RAP1GDS1: variants seen among roughly 807,000 people sequenced by gnomAD.
RAP1GDS1 encodes RAP1, GTP-GDP dissociation stimulator 1.
A neutral mutation model predicts 71.1 loss-of-function variants in RAP1GDS1; 35 were observed. The ratio of observed to expected loss-of-function variants is 0.49; its 90% CI spans 0.38 to 0.65. RAP1GDS1 has a LOEUF of 0.65. Among genes scored for constraint, RAP1GDS1 ranks in the 30% least tolerant of loss-of-function variants. The pLI, the probability that RAP1GDS1 is intolerant of heterozygous loss-of-function variation, is 0.00. For missense variants in RAP1GDS1, 663 were observed against 706.1 expected (o/e 0.94, Z 0.69); for synonymous variants, 229 against 243.1 (o/e 0.94, Z 0.54).
intron 7 of RAP1GDS1, among the ~76,000 whole-genome samples, chr4:98,406,446 G>C (rs1746126895): frequency 6.6e-6 from 1 of 151,928 alleles, no homozygotes; most frequent in Non-Finnish European, 1.5e-5. Flanking sequence ...TAGAGATAAA[G>C]AGGGTGACTT....
chr4:98,341,290 A>G (rs1443743692), intron 2 of RAP1GDS1, among the ~76,000 whole-genome samples: 1 of 152,222 alleles, frequency 6.6e-6, no homozygotes, highest in African/African-American at 2.4e-5. Flanking sequence ...CAGTGAAAAT[A>G]CTATTTTCAA....
intron 7 of RAP1GDS1, chr4:98,409,822 C>A: frequency 3.7e-6 from 1 of 267,414 alleles, no homozygotes; most frequent in Non-Finnish European, 7.4e-6. Context: ...AAAATTAATT[C>A]CAGATAGATT....
chr4:98,302,457 T>C (rs1728700975), intron 2 of RAP1GDS1, among the ~76,000 whole-genome samples: 1 of 151,870 alleles, frequency 6.6e-6, no homozygotes, highest in South Asian at 2.1e-4. Context: ...AGACAAAGGA[T>C]CAGAGAAAAG....
rs181213258 is a variant in RAP1GDS1, at chr4:98,280,863, G to C, written c.5-12545G>C. Among the ~76,000 whole-genome samples the C allele has an allele frequency of 2.3e-3, 325 of 141,170 alleles. 1 individual carries two copies. Among genetic ancestry groups the C allele is most frequent in the Non-Finnish European group, 2.8e-3 (178 of 64,006 alleles). The allele number at this position is 141,170 out of a possible 152,430, so 92.6% of individuals were successfully genotyped here. On this transcript the variant is annotated intron_variant, in intron 1 of 14. Transcript: ENST00000408927. The stretch of plus-strand genomic sequence containing the variant: ...TTTTCCCAGCACCGTTTATTAAATA[G>C]GGAATCCTTTCCCCATTTCTTGTTT...
chr4:98,319,988 G>C (rs574937288), intron 2 of RAP1GDS1, among the ~76,000 whole-genome samples: 120 of 152,178 alleles, frequency 7.9e-4, no homozygotes, highest in Non-Finnish European at 1.4e-3. Context: ...AAGACCGTGA[G>C]GATGAAGACT....
At chr4:98,438,398 C>T (rs1333306546) in intron 14 of RAP1GDS1, among the ~76,000 whole-genome samples, 1 of 151,464 alleles carries the variant, frequency 6.6e-6, no homozygotes, top group East Asian at 1.9e-4. Flanking sequence ...TTGTCATTTT[C>T]TAATCTACTC....
intron 4 of RAP1GDS1, among the ~76,000 whole-genome samples, chr4:98,361,427 G>A (rs1282401811): frequency 1.3e-5 from 2 of 152,036 alleles, no homozygotes; most frequent in African/African-American, 2.4e-5. Context: ...TTTATAATTT[G>A]TGTATAAAGA....
rs750191 is a variant in RAP1GDS1 at position 98,262,521 on chromosome 4, C to T, written c.4+952C>T. On this transcript the variant is annotated intron_variant, in intron 1 of 14. Coordinates refer to ENST00000408927, the MANE Select transcript of RAP1GDS1 (RefSeq NM_001100427.2). ...TTACATTCAGTAATCACAGAAACGT[C>T]TGATGAATGCTGTCATGTAATTAAG... is the stretch of plus-strand genomic sequence containing the variant. 2.8e-3 allele frequency among the ~76,000 whole-genome samples: 428 copies of T among 152,298 alleles called. 3 individuals carry two copies. Among genetic ancestry groups the T allele is most frequent in the African/African-American group, 9.9e-3 (413 of 41,558 alleles).
At chr4:98,391,641 T>C (rs1271799794) in intron 5 of RAP1GDS1, among the ~76,000 whole-genome samples, 1 of 152,142 alleles carries the variant, frequency 6.6e-6, no homozygotes, top group African/African-American at 2.4e-5. Flanking sequence ...TAATGTTTGT[T>C]TATACTTATT....
At chr4:98,420,200 T>A in intron 11 of RAP1GDS1, 56 bp downstream of exon 11, 1 of 1,357,226 alleles carries the variant, frequency 7.4e-7, no homozygotes, top group Admixed American at 2.6e-5. Context: ...TTAATGTGCC[T>A]CTAGTTGAAA....
intron 5 of RAP1GDS1, among the ~76,000 whole-genome samples, chr4:98,389,310 TTC>T (rs200744564): frequency 0.012 from 1,741 of 144,734 alleles, 32 homozygotes; most frequent in African/African-American, 0.046. Context: ...TGTTTTTTTT[TTC>T]TCTCTCTCTC....
chr4:98,407,788 A>G (rs1746366396), intron 7 of RAP1GDS1, among the ~76,000 whole-genome samples: 1 of 152,106 alleles, frequency 6.6e-6, no homozygotes, highest in South Asian at 2.1e-4. Flanking sequence ...CAATTCATCC[A>G]TGTAACCAAA....
chr4:98,388,187 C>A (rs1422646332), intron 5 of RAP1GDS1, among the ~76,000 whole-genome samples: 1 of 152,130 alleles, frequency 6.6e-6, no homozygotes, highest in East Asian at 1.9e-4. Flanking sequence ...TACATAGTAA[C>A]TGAAATAGGT....
At chr4:98,430,243 G>A (rs1750213128) in intron 12 of RAP1GDS1, among the ~76,000 whole-genome samples, 2 of 152,130 alleles carry the variant, frequency 1.3e-5, no homozygotes, top group Admixed American at 1.3e-4. Context: ...ATATAGGATT[G>A]TAACTTTATA....
chr4:98,387,465 T>C, intron 5 of RAP1GDS1: 1 of 456,112 alleles, frequency 2.2e-6, no homozygotes, highest in Non-Finnish European at 4.4e-6. Flanking sequence ...TCCATGAGTG[T>C]GACCTGAAGA....
At chr4:98,283,427 T>C (rs1174903446) in intron 1 of RAP1GDS1, among the ~76,000 whole-genome samples, 1 of 152,132 alleles carries the variant, frequency 6.6e-6, no homozygotes, top group African/African-American at 2.4e-5. Flanking sequence ...ATCAGTCAAA[T>C]GAGCAACACA....
intron 2 of RAP1GDS1, among the ~76,000 whole-genome samples, chr4:98,315,020 G>T (rs971166496): frequency 9.9e-5 from 15 of 152,146 alleles, no homozygotes; most frequent in African/African-American, 3.6e-4. Flanking sequence ...TTTTAGAAAT[G>T]TAGTGTCTGT....
chr4:98,441,002 G>A (rs1436658172), intron 14 of RAP1GDS1, among the ~76,000 whole-genome samples: 4 of 152,140 alleles, frequency 2.6e-5, no homozygotes, highest in African/African-American at 7.2e-5. Context: ...CCAAGTTGTA[G>A]GATTTTGTAC....
chr4:98,440,713 T>A (rs979962887), intron 14 of RAP1GDS1, among the ~76,000 whole-genome samples: 1 of 152,076 alleles, frequency 6.6e-6, no homozygotes, highest in Non-Finnish European at 1.5e-5. Context: ...TGTTGTTGAA[T>A]TGTAAGAGTT....
Sources: gnomAD v4.1 joint callset for allele counts (sites outside exome capture counted in the v4.1 genomes callset) on GRCh38, gnomAD v4.1.1 for gene constraint, MANE v1.5 for transcripts, NCBI Gene and HGNC (gene_info 2026-07-23, HGNC 2026-07-21) for gene names.